PFKFB3: variants seen among roughly 807,000 people sequenced by gnomAD.
The protein encoded by PFKFB3 is 6-phosphofructo-2-kinase/fructose-2,6-bisphosphatase 3.
PFKFB3 carries 33 observed loss-of-function variants against 68.0 expected under a neutral mutation model. That is an observed-to-expected ratio of 0.49 (90% CI 0.37 to 0.65). PFKFB3 has a LOEUF of 0.65. Ranked by LOEUF, PFKFB3 falls within the 30% of genes least tolerant of loss-of-function variation. The pLI is 0.00. For synonymous variants in PFKFB3, 315 were observed against 288.2 expected, an observed-to-expected ratio of 1.09 and a Z score of -0.94; for missense variants, 586 against 712.2, an observed-to-expected ratio of 0.82 and a Z score of 2.02.
At chr10:6,155,493 C>T (rs113079360) in intron 1 of PFKFB3, among the ~76,000 whole-genome samples, 8,647 of 152,124 alleles carry the variant, frequency 0.057, 400 homozygotes, top group Admixed American at 0.13. Context: ...CGTGAGCCAC[C>T]GCACCTGGCC....
chr10:6,177,401 T>TTTC (rs1842520232), intron 1 of PFKFB3, among the ~76,000 whole-genome samples: 4 of 144,060 alleles, frequency 2.8e-5, no homozygotes, highest in South Asian at 2.2e-4. Flanking sequence ...TCTTTCTTTC[T>TTTC]TTCTTTCTTC....
rs1340074970 is a variant in PFKFB3, at chr10:6,206,802, TGGGCGGCC to T, written c.76+3471_76+3478del. On this transcript the variant is annotated intron_variant, in intron 1 of 14. Transcript: ENST00000379775. ...GAGGGGGTCCTCACATCCCAGACGA[TGGGCGGCC>T]GGGCAGAGACGCTCCTCACTTCCCA... Among the ~76,000 whole-genome samples, 308 of 59,738 alleles carry T rather than the reference TGGGCGGCC, an allele frequency of 5.2e-3. 14 individuals are homozygous for T. Among genetic ancestry groups the T allele is most frequent in the African/African-American group, 0.019 (283 of 14,900 alleles). 39.2% of individuals were successfully genotyped at this position (59,738 alleles called of 152,430 possible). A position where few individuals can be genotyped will look rare whatever the true frequency, so the allele number is the denominator to read the frequency against.
the PFKFB3 span, among the ~76,000 whole-genome samples, chr10:6,274,769 G>A: frequency 6.6e-6 from 1 of 152,136 alleles, no homozygotes; most frequent in South Asian, 2.1e-4. Flanking sequence ...CCGGGTGGTC[G>A]AGGTTGCAGT....
the PFKFB3 span, among the ~76,000 whole-genome samples, chr10:6,302,369 T>A: frequency 8.5e-5 from 2 of 23,538 alleles, no homozygotes; most frequent in African/African-American, 1.7e-4. Context: ...CCAGTTTTTT[T>A]TTTTTTTTTT....
chr10:6,213,596 A>G (rs1395814155), intron 1 of PFKFB3, 27 bp from the exon 2 acceptor site: 1 of 1,604,330 alleles, frequency 6.2e-7, no homozygotes, highest in Non-Finnish European at 8.5e-7. Flanking sequence ...TTGGTTGATG[A>G]CACACCCTTC....
At chr10:6,198,301 T>C (rs1843230224), upstream of PFKFB3, among the ~76,000 whole-genome samples, 1 of 148,838 alleles carries the variant, frequency 6.7e-6, no homozygotes, top group African/African-American at 2.5e-5. Context: ...CCACAGGAGA[T>C]GGAGTGACAG....
At chr10:6,218,620 C>T (rs975093968) in intron 6 of PFKFB3, among the ~76,000 whole-genome samples, 8 of 151,812 alleles carry the variant, frequency 5.3e-5, no homozygotes, top group African/African-American at 9.7e-5. Flanking sequence ...TTAGAGGAGA[C>T]GGGGGTTTCA....
the PFKFB3 span, among the ~76,000 whole-genome samples, chr10:6,274,374 A>AAAAT: frequency 6.6e-6 from 1 of 152,194 alleles, no homozygotes; most frequent in African/African-American, 2.4e-5. Context: ...TTACATTTAA[A>AAAAT]AAATAACACA....
intron 1 of PFKFB3, among the ~76,000 whole-genome samples, chr10:6,206,564 G>A (rs1474236333): frequency 1.2e-4 from 7 of 58,648 alleles, no homozygotes; most frequent in Admixed American, 2.1e-4. Context: ...CGGACGGGGC[G>A]GCTGGCCGGG....
Position 6,228,133 on chromosome 10 carries a change from C to G in PFKFB3, c.1515+1768C>G. 1.3e-6 allele frequency: 2 copies of G among 1,599,002 alleles called. No individual in the cohort carries two copies. The highest frequency in any genetic ancestry group is 1.7e-6 in the Non-Finnish European group (2 of 1,167,632). ...TGGGCCGGCGTGGGGTTTTTCAGGGCTTCGTCCCTGCAGATTGCGCCCTGC... is the reference window on the plus strand; with the variant it reads ...TGGGCCGGCGTGGGGTTTTTCAGGGGTTCGTCCCTGCAGATTGCGCCCTGC... On this transcript the variant is annotated intron_variant, in intron 14 of 14. Coordinates refer to ENST00000379775, the MANE Select transcript of PFKFB3 (RefSeq NM_004566.4). This position sits in a 1 kb window ranked among gnomAD's most constrained non-coding sequence, Gnocchi z 4.5.
chr10:6,258,019 A>T (rs901309548), downstream of PFKFB3, among the ~76,000 whole-genome samples: 1 of 152,086 alleles, frequency 6.6e-6, no homozygotes, highest in Non-Finnish European at 1.5e-5. Context: ...AGGCATGGAC[A>T]CTCCAAAATG....
rs12248328 is a variant in PFKFB3, at chr10:6,253,441, G to A, written c.1516-737G>A. ...ATTGGGCAATTGCTTTGAGGTGAACGAGTCACCAGGCCAGGTTGCAGACAC... is the reference window on the plus strand; with the variant it reads ...ATTGGGCAATTGCTTTGAGGTGAACAAGTCACCAGGCCAGGTTGCAGACAC... On this transcript the variant is annotated intron_variant, in intron 14 of 14. Transcript: ENST00000640683. 4.7e-3 allele frequency among the ~76,000 whole-genome samples: 714 copies of A among 152,178 alleles called. 6 individuals are homozygous for A. The highest frequency in any genetic ancestry group is 0.016 in the African/African-American group (676 of 41,516).
chr10:6,266,712 G>A, the PFKFB3 span, among the ~76,000 whole-genome samples: 1 of 152,190 alleles, frequency 6.6e-6, no homozygotes, highest in Admixed American at 6.5e-5. Context: ...ACCCAGGACT[G>A]TCCACATATT....
rs1845881246 is a variant in PFKFB3, at chr10:6,233,745, CT to C, written c.*807del. 1 of 152,924 alleles carries C rather than the reference CT, an allele frequency of 6.5e-6. No individual in the cohort carries two copies. The highest frequency in any genetic ancestry group is 2.4e-5 in the African/African-American group (1 of 41,480). The allele number at this position is 152,924 out of a possible 1,614,324, so 9.5% of individuals were successfully genotyped here. On this transcript the variant is annotated 3_prime_UTR_variant, in exon 15 of 15. Transcript: ENST00000379775. ...AGAAACACTTTCCTGGAGCTGCTGGCTTTTGCACTTTTTTGATGGCAGAAGT... is the reference window on the plus strand; with the variant it reads ...AGAAACACTTTCCTGGAGCTGCTGGCTTTGCACTTTTTTGATGGCAGAAGT...
chr10:6,232,747 G>A (rs1323638070), intron 14 of PFKFB3, 148 bp from the exon 15 acceptor site: 4 of 683,216 alleles, frequency 5.9e-6, no homozygotes, highest in African/African-American at 1.8e-5. Flanking sequence ...CGCCTGTGAG[G>A]TTGGCAGCAC....
At chr10:6,219,351 C>G (rs538745789) in intron 6 of PFKFB3, among the ~76,000 whole-genome samples, 2 of 152,170 alleles carry the variant, frequency 1.3e-5, no homozygotes, top group Non-Finnish European at 2.9e-5. Context: ...TCTGTCCTTC[C>G]GGCTTCAGTT....
chr10:6,177,442 T>TTC (rs1842543331), intron 1 of PFKFB3, among the ~76,000 whole-genome samples: 1 of 108,018 alleles, frequency 9.3e-6, no homozygotes, highest in African/African-American at 3.4e-5. Flanking sequence ...TTCTTTCTCT[T>TTC]TCTTTCTTTC....
chr10:6,210,632 T>TCTCCTGACCTCGTG (rs1358504867), intron 1 of PFKFB3, among the ~76,000 whole-genome samples: 6 of 4,304 alleles, frequency 1.4e-3, no homozygotes, highest in Non-Finnish European at 2.5e-3. Context: ...ATAGTCTTGA[T>TCTCCTGACCTCGTG]AGTGTTTTTA....
At chr10:6,250,444 G>C (rs895013291) in intron 14 of PFKFB3, among the ~76,000 whole-genome samples, 2 of 151,998 alleles carry the variant, frequency 1.3e-5, no homozygotes, top group Admixed American at 1.3e-4. Context: ...GGTGGCGGGC[G>C]CCTGTAGTCC....
Sources: gnomAD v4.1 joint callset for allele counts (sites outside exome capture counted in the v4.1 genomes callset) on GRCh38, gnomAD v4.1.1 for gene constraint, Gnocchi (gnomAD v3.1) non-coding constraint, MANE v1.5 for transcripts, NCBI Gene and HGNC (gene_info 2026-07-23, HGNC 2026-07-21) for gene names.